TEC: variants seen among roughly 807,000 people sequenced by gnomAD.
TEC encodes the protein tyrosine-protein kinase Tec.
TEC carries 72 observed loss-of-function variants against 93.0 expected under a neutral mutation model. The observed-to-expected ratio is 0.77, with a 90% CI of 0.64 to 0.94. TEC has a LOEUF of 0.94. Ranked by LOEUF, TEC falls within the 40% of genes least tolerant of loss-of-function variation. TEC has a pLI of 0.00. For missense variants in TEC, 630 were observed against 757.9 expected (o/e 0.83, Z 1.98); for synonymous variants, 249 against 247.7 (o/e 1.01, Z -0.05).
At position 48,138,914 on chromosome 4, in the gene TEC, G is replaced by C; in HGVS notation, c.1644C>G (p.Val548=). ...NYSRFSSKSD[V]WSFGVLMWEV... ...AAACATGGATCTTACCAAATGACCA[G>C]ACATCTGATTTGCTGCTGAAGCGGC... The change falls in exon 16 of 18, where the codon GTC becomes GTG. Residue 548 remains valine, a synonymous_variant. Coordinates refer to ENST00000381501, the MANE Select transcript of TEC (RefSeq NM_003215.3). 6.2e-7 allele frequency: 1 copy of C among 1,614,210 alleles called. No homozygotes were observed. The highest frequency in any genetic ancestry group is 8.5e-7 in the Non-Finnish European group (1 of 1,180,022).
At chr4:48,180,647 G>A (rs891939639) in intron 2 of TEC, among the ~76,000 whole-genome samples, 1 of 152,168 alleles carries the variant, frequency 6.6e-6, no homozygotes, top group East Asian at 1.9e-4. Flanking sequence ...TGAGTATTTA[G>A]GGAACAGAAA....
chr4:48,227,950 G>C (rs1381579952), intron 2 of TEC, among the ~76,000 whole-genome samples: 1 of 152,120 alleles, frequency 6.6e-6, no homozygotes, highest in Non-Finnish European at 1.5e-5. Flanking sequence ...TCACCGGCCA[G>C]GTTTTTTAGT....
chr4:48,163,872 TTA>T (rs1553886297), intron 7 of TEC, 105 bp from the exon 8 acceptor site: 4 of 27,666 alleles, frequency 1.4e-4, no homozygotes, highest in Non-Finnish European at 2.3e-4. Flanking sequence ...TGCTTAAAGC[TTA>T]TTATAAGAAA....
At chr4:48,220,513 C>T (rs986043431) in intron 2 of TEC, among the ~76,000 whole-genome samples, 5 of 152,010 alleles carry the variant, frequency 3.3e-5, no homozygotes, top group African/African-American at 1.2e-4. Flanking sequence ...TGCTTGCTCT[C>T]ATCATGGAAT....
At chr4:48,234,667 C>T (rs548343532) in intron 1 of TEC, among the ~76,000 whole-genome samples, 1 of 152,242 alleles carries the variant, frequency 6.6e-6, no homozygotes, top group East Asian at 1.9e-4. Flanking sequence ...CTACAAATAA[C>T]AACTACACCG....
chr4:48,166,788 T>C (rs1720887790), intron 7 of TEC, among the ~76,000 whole-genome samples: 1 of 151,732 alleles, frequency 6.6e-6, no homozygotes, highest in Non-Finnish European at 1.5e-5. Flanking sequence ...AATAAAAGGT[T>C]AAGAGTTGCA....
intron 2 of TEC, among the ~76,000 whole-genome samples, chr4:48,199,455 C>CTTTTTT (rs34965891): frequency 0.013 from 857 of 67,384 alleles, 28 homozygotes; most frequent in Middle Eastern, 0.033. Context: ...GATTTTCTTT[C>CTTTTTT]TTTTTTTTTT....
intron 1 of TEC, among the ~76,000 whole-genome samples, chr4:48,242,343 G>A (rs1723942355): frequency 6.6e-6 from 1 of 152,174 alleles, no homozygotes; most frequent in South Asian, 2.1e-4. Flanking sequence ...GCCTGATCTA[G>A]CACCCAGAAC....
At position 48,167,833 on chromosome 4, in the gene TEC, A is replaced by C. The variant is rs1197835955; in HGVS notation, c.616T>G (p.Tyr206Asp). 3.1e-6 allele frequency: 5 copies of C among 1,613,616 alleles called. No homozygotes were observed. In the Admixed American group the frequency reaches 8.3e-5, roughly 27 times the overall value. The change falls in exon 7 of 18, where the codon TAT (tyrosine) becomes GAT (aspartate). Residue 206 changes from tyrosine (Y) to aspartate (D), a missense_variant. Around this residue, in one of 3 missense-constraint regions of TEC, gnomAD observed 335 missense variants for 351.5 expected, o/e 0.95. Transcript: ENST00000381501. ...HDLRLERGQE[Y>D]LILEKNDVHW... ...ACATCATTCTTTTCTAAAATGAGAT[A>C]CTCTTGGCCTCTCTCTAATCTGAGA...
chr4:48,160,501 T>C (rs1185909333), intron 8 of TEC, among the ~76,000 whole-genome samples: 2 of 151,824 alleles, frequency 1.3e-5, no homozygotes, highest in Non-Finnish European at 2.9e-5. Flanking sequence ...CCAAGGCCAG[T>C]GGATCACTTC....
At chr4:48,205,051 T>C (rs995934162) in intron 2 of TEC, among the ~76,000 whole-genome samples, 2 of 152,222 alleles carry the variant, frequency 1.3e-5, no homozygotes, top group Non-Finnish European at 2.9e-5. Flanking sequence ...CACTTATTAG[T>C]TGCAAATCAT....
chr4:48,171,581 A>G, intron 3 of TEC, 132 bp from the exon 4 acceptor site: 1 of 581,814 alleles, frequency 1.7e-6, no homozygotes, highest in East Asian at 3.0e-5. Flanking sequence ...CTTCATATCC[A>G]GAAAACCCAG....
At position 48,145,067 on chromosome 4, in the gene TEC, G is replaced by A. The variant is rs779666938; in HGVS notation, c.1470+12C>T. ...TCAGCCAATGAGTGGGAATATGGGT[G>A]GCTAGGGTTACCAGATCTCTGTGGA... On this transcript the variant is annotated intron_variant, in intron 14 of 17. Transcript: ENST00000381501. The A allele has an allele frequency of 5.1e-5, 83 of 1,612,734 alleles. No individual in the cohort carries two copies. The highest frequency in any genetic ancestry group is 6.4e-5 in the Non-Finnish European group (75 of 1,178,956).
At chr4:48,194,266 T>C (rs1722205685) in intron 2 of TEC, among the ~76,000 whole-genome samples, 1 of 152,190 alleles carries the variant, frequency 6.6e-6, no homozygotes, top group Non-Finnish European at 1.5e-5. Context: ...AGAGCCCCAC[T>C]CCCTGCTTAT....
At chr4:48,229,420 G>C (rs1184829745) in intron 1 of TEC, among the ~76,000 whole-genome samples, 2 of 152,180 alleles carry the variant, frequency 1.3e-5, no homozygotes, top group East Asian at 3.8e-4. Flanking sequence ...ATTCAAAAAA[G>C]GCTTGAAGAT....
At chr4:48,149,309 T>A (rs1423859060) in intron 11 of TEC, among the ~76,000 whole-genome samples, 2 of 152,208 alleles carry the variant, frequency 1.3e-5, no homozygotes, top group African/African-American at 4.8e-5. Context: ...ATAAATGTAA[T>A]GTGAACATTT....
At chr4:48,199,455 C>CTTTTTTTTTTTTTTTTTTT (rs34965891) in intron 2 of TEC, among the ~76,000 whole-genome samples, 3 of 67,360 alleles carry the variant, frequency 4.5e-5, no homozygotes, top group Non-Finnish European at 7.8e-5. Flanking sequence ...GATTTTCTTT[C>CTTTTTTTTTTTTTTTTTTT]TTTTTTTTTT....
intron 2 of TEC, among the ~76,000 whole-genome samples, chr4:48,193,352 C>G (rs1264541543): frequency 6.6e-6 from 1 of 151,990 alleles, no homozygotes; most frequent in Non-Finnish European, 1.5e-5. Flanking sequence ...TCTTCTGCTG[C>G]AGTTCTCTCA....
intron 2 of TEC, among the ~76,000 whole-genome samples, chr4:48,183,499 A>G (rs1349824989): frequency 2.0e-5 from 3 of 152,206 alleles, no homozygotes; most frequent in African/African-American, 7.2e-5. Flanking sequence ...CAATCCGATG[A>G]GGGGGCAAAT....
Sources: allele counts gnomAD v4.1 joint callset (sites outside exome capture counted in the v4.1 genomes callset), GRCh38; gene constraint gnomAD v4.1.1; regional missense constraint gnomAD v4.1.1; transcripts MANE v1.5; gene names NCBI Gene and HGNC (gene_info 2026-07-23, HGNC 2026-07-21).